The following ADAM23 variants were observed in gnomAD, a reference collection of about 807,000 sequenced individuals.
The protein encoded by ADAM23 is disintegrin and metalloproteinase domain-containing protein 23.
ADAM23 carries 33 observed loss-of-function variants against 120.1 expected under a neutral mutation model. The ratio of observed to expected loss-of-function variants is 0.27; its 90% CI spans 0.21 to 0.37. The LOEUF (loss-of-function observed/expected upper bound fraction) is 0.37, where lower values mean the gene tolerates loss of function less well. Ranked by LOEUF, ADAM23 falls within the 10% of genes least tolerant of loss-of-function variation. ADAM23 has a pLI of 1.00. For missense variants in ADAM23, 862 were observed against 1,058.2 expected, an observed-to-expected ratio of 0.81 and a Z score of 2.57; for synonymous variants, 367 against 375.2, an observed-to-expected ratio of 0.98 and a Z score of 0.25.
chr2:206,517,575 G>A lies in ADAM23; in HGVS notation c.510-13310G>A, dbSNP rs980512919. Reference sequence around the variant, plus strand: ...TTGGAGAGTCTTGTTTGCTTTTCTAGTGTCCACAGGCTGGTATGATCTCTA... The same window carrying A: ...TTGGAGAGTCTTGTTTGCTTTTCTAATGTCCACAGGCTGGTATGATCTCTA... On this transcript the variant is annotated intron_variant, in intron 3 of 25. Transcript: ENST00000264377. 3.3e-5 allele frequency among the ~76,000 whole-genome samples: 5 copies of A among 152,084 alleles called. No homozygotes were observed. The East Asian group carries it at 9.6e-4, about 29-fold the overall frequency.
rs1486316633 is a variant in ADAM23, at chr2:206,518,046, C to CTA, written c.510-12838_510-12837dup. The stretch of plus-strand genomic sequence containing the variant: ...ACTTTGTGAATGTGAGTAAGATAGT[C>CTA]TACATGGGCTGAAAATTTAAGACCA... On this transcript the variant is annotated intron_variant, in intron 3 of 25. Coordinates refer to ENST00000264377, the MANE Select transcript of ADAM23 (RefSeq NM_003812.4). 5.3e-5 allele frequency among the ~76,000 whole-genome samples: 8 copies of CTA among 152,272 alleles called. No individual in the cohort carries two copies. In the East Asian group the frequency reaches 1.5e-3, roughly 29 times the overall value.
chr2:206,464,974 C>T (rs1232231545), intron 2 of ADAM23, among the ~76,000 whole-genome samples: 1 of 152,018 alleles, frequency 6.6e-6, no homozygotes, highest in Non-Finnish European at 1.5e-5. Flanking sequence ...AGCACTGTTT[C>T]CTACATTGCA....
intron 15 of ADAM23, among the ~76,000 whole-genome samples, chr2:206,568,054 A>G (rs1461725457): frequency 6.6e-6 from 1 of 152,072 alleles, no homozygotes; most frequent in Non-Finnish European, 1.5e-5. Context: ...GGAGAGTAGA[A>G]CTCAAGATGA....
intron 3 of ADAM23, among the ~76,000 whole-genome samples, chr2:206,513,371 A>G (rs1433135714): frequency 7.2e-6 from 1 of 139,332 alleles, no homozygotes; most frequent in African/African-American, 2.6e-5. Flanking sequence ...ATATGGAGAA[A>G]GTTTTAATGT....
At chr2:206,576,317 T>G (rs1698111142) in intron 18 of ADAM23, among the ~76,000 whole-genome samples, 11 of 152,094 alleles carry the variant, frequency 7.2e-5, no homozygotes, top group Admixed American at 7.2e-4. Context: ...AGTTTTTTCA[T>G]TTCAATCTTT....
At chr2:206,508,804 A>T (rs1696558458) in intron 3 of ADAM23, among the ~76,000 whole-genome samples, 1 of 152,162 alleles carries the variant, frequency 6.6e-6, no homozygotes, top group African/African-American at 2.4e-5. Context: ...GGCATTTTGT[A>T]TTTGAGTAGT....
intron 3 of ADAM23, among the ~76,000 whole-genome samples, chr2:206,493,364 C>T (rs1253921178): frequency 6.6e-6 from 1 of 152,044 alleles, no homozygotes; most frequent in Non-Finnish European, 1.5e-5. Flanking sequence ...ATAATCTATA[C>T]TGGCTTTTTA....
At chr2:206,447,951 A>G (rs187411451) in intron 2 of ADAM23, among the ~76,000 whole-genome samples, 6 of 152,350 alleles carry the variant, frequency 3.9e-5, no homozygotes, top group Admixed American at 3.9e-4. Flanking sequence ...ATGTTGATCA[A>G]TCTTTATTAC....
intron 4 of ADAM23, among the ~76,000 whole-genome samples, chr2:206,539,024 T>A (rs959298926): frequency 6.6e-6 from 1 of 152,144 alleles, no homozygotes; most frequent in Non-Finnish European, 1.5e-5. Flanking sequence ...GGTTAGGAAG[T>A]ATTTTAAAAG....
chr2:206,545,420 A>G (rs920893670), intron 6 of ADAM23, among the ~76,000 whole-genome samples: 4 of 152,242 alleles, frequency 2.6e-5, no homozygotes, highest in Admixed American at 1.3e-4. Context: ...TGGGAGGCAG[A>G]GGTTACAGCG....
intron 3 of ADAM23, among the ~76,000 whole-genome samples, chr2:206,518,770 A>C (rs1696783851): frequency 6.6e-6 from 1 of 152,190 alleles, no homozygotes; most frequent in Non-Finnish European, 1.5e-5. Flanking sequence ...AGAAATATGT[A>C]GAATTAGAAG....
At chr2:206,501,961 T>C (rs1481115055) in intron 3 of ADAM23, among the ~76,000 whole-genome samples, 2 of 152,212 alleles carry the variant, frequency 1.3e-5, no homozygotes, top group African/African-American at 4.8e-5. Flanking sequence ...ATGTTTTTAG[T>C]ATCTTCTTTA....
chr2:206,460,838 C>T (rs1392435164), intron 2 of ADAM23, among the ~76,000 whole-genome samples: 2 of 152,052 alleles, frequency 1.3e-5, no homozygotes, highest in Admixed American at 6.5e-5. Flanking sequence ...AAGGTTTTCC[C>T]CTCTGTTTCC....
At chr2:206,543,527 G>A (rs182885374) in intron 6 of ADAM23, among the ~76,000 whole-genome samples, 90 of 152,214 alleles carry the variant, frequency 5.9e-4, no homozygotes, top group African/African-American at 2.1e-3. Context: ...TCAAACATAG[G>A]TTTTCTGAAG....
At chr2:206,606,558 C>T (rs1698731898) in intron 24 of ADAM23, 1 of 152,118 alleles carries the variant, frequency 6.6e-6, no homozygotes, top group Non-Finnish European at 1.5e-5. Context: ...CTGCAAATCA[C>T]CTGGTGGGTT....
chr2:206,584,008 A>G (rs976962527), intron 18 of ADAM23, among the ~76,000 whole-genome samples: 5 of 152,072 alleles, frequency 3.3e-5, no homozygotes, highest in African/African-American at 1.2e-4. Context: ...GGGAAGGTCT[A>G]GGGGTGAAGG....
At chr2:206,470,462 G>A (rs144968192) in intron 2 of ADAM23, among the ~76,000 whole-genome samples, 112 of 152,250 alleles carry the variant, frequency 7.4e-4, no homozygotes, top group African/African-American at 2.5e-3. Flanking sequence ...GTGGTTGATC[G>A]TTTCCAGAGC....
chr2:206,614,408 G>A (rs1259496068), intron 25 of ADAM23, among the ~76,000 whole-genome samples: 1 of 36,196 alleles, frequency 2.8e-5, no homozygotes, highest in Non-Finnish European at 5.4e-5. Flanking sequence ...GCTCATGCCT[G>A]TAATCCCAGG....
chr2:206,513,750 C>A (rs185137300), intron 3 of ADAM23, among the ~76,000 whole-genome samples: 3 of 152,158 alleles, frequency 2.0e-5, no homozygotes, highest in African/African-American at 7.2e-5. Context: ...AACCTGGCTT[C>A]GACGCTGCAA....
Sources: allele counts gnomAD v4.1 joint callset (sites outside exome capture counted in the v4.1 genomes callset), GRCh38; gene constraint gnomAD v4.1.1; transcripts MANE v1.5; gene names NCBI Gene and HGNC (gene_info 2026-07-23, HGNC 2026-07-21).